Variants in LBP observed in about 807,000 individuals in gnomAD.
LBP encodes the protein lipopolysaccharide binding protein, also known as lipopolysaccharide-binding protein.
In LBP, 53 loss-of-function variants were observed where a neutral mutation model predicts 56.6. The ratio of observed to expected loss-of-function variants is 0.94; its 90% CI spans 0.75 to 1.18. The LOEUF is 1.18. Ranked by LOEUF, LBP falls within the 50% of genes most tolerant of loss-of-function variation. The pLI is 0.00. For synonymous variants in LBP, 227 were observed against 247.5 expected, an observed-to-expected ratio of 0.92 and a Z score of 0.78; for missense variants, 601 against 598.3, an observed-to-expected ratio of 1.00 and a Z score of -0.05.
chr20:38,376,321 A>G (rs2083958170), intron 14 of LBP, among the ~76,000 whole-genome samples: 1 of 152,174 alleles, frequency 6.6e-6, no homozygotes, highest in African/African-American at 2.4e-5. Context: ...ACACCCTAGC[A>G]GTTCACAATT....
At position 38,364,734 on chromosome 20, in the gene LBP, C is replaced by T. The variant is rs1226609958; in HGVS notation, c.903C>T (p.Phe301=). 3 of 1,611,344 alleles carry T rather than the reference C, an allele frequency of 1.9e-6. No individual in the cohort carries two copies. Among genetic ancestry groups the T allele is most frequent in the Non-Finnish European group, 2.5e-6 (3 of 1,178,520 alleles). ...LVYHEEGYLN[F]SITDDMIPPD... ...ATCATGAGGAAGGATATCTGAACTTCTCCATCACAGATGACATGGTGAGGA... is the reference window on the plus strand; with the variant it reads ...ATCATGAGGAAGGATATCTGAACTTTTCCATCACAGATGACATGGTGAGGA... The change falls in exon 8 of 15, where the codon TTC becomes TTT. Residue 301 remains phenylalanine, a synonymous_variant. Transcript: ENST00000217407.
intron 14 of LBP, among the ~76,000 whole-genome samples, chr20:38,375,232 A>G (rs2083951757): frequency 6.6e-6 from 1 of 151,352 alleles, no homozygotes; most frequent in Non-Finnish European, 1.5e-5. Flanking sequence ...GCACAGTTGC[A>G]TTACTAGTGC....
At chr20:38,370,614 C>A (rs1443613479) in intron 10 of LBP, 124 bp from the exon 11 acceptor site, 6 of 827,348 alleles carry the variant, frequency 7.3e-6, no homozygotes, top group South Asian at 4.5e-5. Context: ...ATCTAGTGGG[C>A]AAATTTCCTG....
In LBP at chr20:38,364,766, C is replaced by A; in HGVS notation, c.921+14C>A. 1 of 1,594,282 alleles carries A rather than the reference C, an allele frequency of 6.3e-7. No individual in the cohort carries two copies. The highest frequency in any genetic ancestry group is 1.2e-5 in the South Asian group (1 of 86,832). ...ACAGATGACATGGTGAGGATGGTGG[C>A]AAACAGGTCTCTCAAATGAACACAT... On this transcript the variant is annotated intron_variant, in intron 8 of 14. Coordinates refer to ENST00000217407, the MANE Select transcript of LBP (RefSeq NM_004139.5).
chr20:38,348,767 AGTTTAGTTTAGTTTAGTTTAGTTTT>A (rs1484102468), intron 1 of LBP, among the ~76,000 whole-genome samples: 2 of 112,006 alleles, frequency 1.8e-5, no homozygotes, highest in African/African-American at 6.3e-5. Flanking sequence ...AGTTTAGTTT[AGTTTAGTTTAGTTTAGTTTAGTTTT>A]GTTTTGTTTT....
At chr20:38,366,151 T>A (rs2076880992) in intron 8 of LBP, among the ~76,000 whole-genome samples, 1 of 152,086 alleles carries the variant, frequency 6.6e-6, no homozygotes, top group African/African-American at 2.4e-5. Context: ...GGAGAAACAG[T>A]GTGGTTCGGC....
intron 4 of LBP, among the ~76,000 whole-genome samples, 160 bp from the exon 5 acceptor site, chr20:38,355,186 A>G (rs898084376): frequency 6.6e-6 from 1 of 152,258 alleles, no homozygotes; most frequent in Admixed American, 6.5e-5. Context: ...GGGAAGCCAG[A>G]CACACCGAAT....
intron 8 of LBP, among the ~76,000 whole-genome samples, chr20:38,365,862 A>G (rs570060683): frequency 6.6e-6 from 1 of 152,006 alleles, no homozygotes; most frequent in South Asian, 2.1e-4. Context: ...GAGCCCTTAA[A>G]TTAATTTCTT....
rs2076830774 is a variant in LBP, at chr20:38,354,311, T to C, written c.396T>C (p.Ser132=). ...FFKLQGSFDV[S]VKGISISVNL... is the part of the protein sequence containing the mutation. ...AACTACAGGGCTCCTTTGATGTCAG[T>C]GTCAAGGGCATCAGCATTTCGGTCA... The change falls in exon 4 of 15, where the codon AGT becomes AGC. Residue 132 remains serine (S), a synonymous_variant. Transcript: ENST00000217407. 7.4e-6 allele frequency: 12 copies of C among 1,613,796 alleles called. No individual in the cohort carries two copies. The highest frequency in any genetic ancestry group is 1.0e-5 in the Non-Finnish European group (12 of 1,179,894).
intron 14 of LBP, 137 bp from the exon 15 acceptor site, chr20:38,376,488 C>A: frequency 1.3e-6 from 1 of 768,192 alleles, no homozygotes; most frequent in Admixed American, 1.9e-5. Flanking sequence ...GACTGAGGCA[C>A]ACTCGCAATT....
At chr20:38,351,055 TC>T in intron 3 of LBP, 116 bp downstream of exon 3, 1 of 1,382,572 alleles carries the variant, frequency 7.2e-7, no homozygotes, top group Non-Finnish European at 9.8e-7. Context: ...ACAGATGGAG[TC>T]CAAGCCCGGA....
rs2083961272 is a variant in LBP at position 38,376,718 on chromosome 20, A to G, written c.*49A>G. 2.0e-6 allele frequency: 3 copies of G among 1,533,076 alleles called. No homozygotes were observed. The South Asian group carries it at 3.4e-5, about 17-fold the overall frequency. The allele number at this position is 1,533,076 out of a possible 1,614,324, so 95.0% of individuals were successfully genotyped here. A position where few individuals can be genotyped will look rare whatever the true frequency, so the allele number is the denominator to read the frequency against. ...GGTCACAGCTGGATCTGCTTGTTGC[A>G]TTTCCAGCTGTGCAGCACGTCTCAG... On this transcript the variant is annotated 3_prime_UTR_variant, in exon 15 of 15. Transcript: ENST00000217407.
chr20:38,358,989 A>T (rs1237853030), intron 5 of LBP, among the ~76,000 whole-genome samples: 3 of 152,216 alleles, frequency 2.0e-5, no homozygotes, highest in African/African-American at 7.2e-5. Flanking sequence ...ATTCTTTGAA[A>T]ATGGTCTCTT....
intron 7 of LBP, among the ~76,000 whole-genome samples, 199 bp downstream of exon 7, chr20:38,364,265 T>C (rs1600727639): frequency 2.6e-5 from 4 of 152,202 alleles, no homozygotes; most frequent in Admixed American, 2.6e-4. Flanking sequence ...ACCTCTCAGG[T>C]CTTAACGCTT....
chr20:38,358,320 T>G (rs1318320427), intron 5 of LBP, among the ~76,000 whole-genome samples: 1 of 152,176 alleles, frequency 6.6e-6, no homozygotes, highest in Non-Finnish European at 1.5e-5. Context: ...GCTTTCCTGC[T>G]GCACCCCTAA....
Position 38,360,779 on chromosome 20 carries a change from C to A in LBP, c.652+12C>A, listed in dbSNP as rs2122609988. 2.5e-6 allele frequency: 4 copies of A among 1,591,904 alleles called. No homozygotes were observed. The highest frequency in any genetic ancestry group is 3.4e-6 in the Non-Finnish European group (4 of 1,160,118). On this transcript the variant is annotated intron_variant, in intron 6 of 14. Transcript: ENST00000217407. Reference sequence around the variant, plus strand: ...CCAAACTCTGCCAGGTAGGACACCCCATCCATCCCGGGACACTTTTATTTC... The same window carrying A: ...CCAAACTCTGCCAGGTAGGACACCCAATCCATCCCGGGACACTTTTATTTC...
intron 1 of LBP, among the ~76,000 whole-genome samples, chr20:38,348,774 TTTAGTTTAGTTTA>T (rs2076809996): frequency 3.9e-5 from 5 of 127,872 alleles, no homozygotes; most frequent in African/African-American, 1.1e-4. Context: ...TTTAGTTTAG[TTTAGTTTAGTTTA>T]GTTTTGTTTT....
At chr20:38,356,532 C>A (rs993968198) in intron 5 of LBP, among the ~76,000 whole-genome samples, 3 of 151,942 alleles carry the variant, frequency 2.0e-5, no homozygotes, top group Non-Finnish European at 2.9e-5. Flanking sequence ...AGGCAAACCC[C>A]GCATTTTGGG....
chr20:38,374,650 G>A lies in LBP; in HGVS notation c.1401+637G>A, dbSNP rs114051240. Among the ~76,000 whole-genome samples the A allele has an allele frequency of 9.6e-4, 146 of 151,424 alleles. 2 individuals carry two copies. The highest frequency in any genetic ancestry group is 3.3e-3 in the African/African-American group (137 of 41,356). ...AAAGAAAATACTGTAAGTCCTAGAC[G>A]TAGCATTAGGTCAGGTTCTGAAAGT... On this transcript the variant is annotated intron_variant, in intron 14 of 14. Coordinates refer to ENST00000217407, the MANE Select transcript of LBP (RefSeq NM_004139.5).
Sources: allele counts gnomAD v4.1 joint callset (sites outside exome capture counted in the v4.1 genomes callset), GRCh38; gene constraint gnomAD v4.1.1; transcripts MANE v1.5; gene names NCBI Gene and HGNC (gene_info 2026-07-23, HGNC 2026-07-21).